INPP5D: variants seen among roughly 807,000 people sequenced by gnomAD.
INPP5D encodes the protein inositol polyphosphate-5-phosphatase D, also known as phosphatidylinositol 3,4,5-trisphosphate 5-phosphatase 1.
A neutral mutation model predicts 122.9 loss-of-function variants in INPP5D; 33 were observed. That is an observed-to-expected ratio of 0.27 (90% CI 0.20 to 0.36). The LOEUF is 0.36. Ranked by LOEUF, INPP5D falls within the 10% of genes least tolerant of loss-of-function variation. INPP5D has a pLI of 1.00. For missense variants in INPP5D, 1,053 were observed against 1,412.7 expected (o/e 0.75, Z 4.08); for synonymous variants, 584 against 576.2 (o/e 1.01, Z -0.19).
At position 233,189,082 on chromosome 2, in the gene INPP5D, C is replaced by T. The variant is rs1440254527; in HGVS notation, c.2359-768C>T. 1.3e-5 allele frequency among the ~76,000 whole-genome samples: 2 copies of T among 152,180 alleles called. No individual in the cohort carries two copies. The highest frequency in any genetic ancestry group is 2.9e-5 in the Non-Finnish European group (2 of 68,034). On this transcript the variant is annotated intron_variant, in intron 21 of 26. Coordinates refer to ENST00000445964, the MANE Select transcript of INPP5D (RefSeq NM_001017915.3). The surrounding 1 kb of genome is among the most constrained non-coding windows in gnomAD (Gnocchi z 5.6). ...TCGTGGCAGACGAGGAGCTAGTGTG[C>T]GTGTGATGCTCCTCCCTGCACTTGC...
chr2:233,084,787 A>G (rs962579460), intron 2 of INPP5D, among the ~76,000 whole-genome samples: 2 of 152,248 alleles, frequency 1.3e-5, no homozygotes, highest in Admixed American at 6.5e-5. Context: ...AGGGCATAGA[A>G]GCCTAGCACG....
intron 17 of INPP5D, among the ~76,000 whole-genome samples, chr2:233,176,071 A>G (rs554177320): frequency 6.6e-6 from 1 of 152,348 alleles, no homozygotes; most frequent in African/African-American, 2.4e-5. Flanking sequence ...CTCTTTCAGG[A>G]TGAGTTCCTT....
intron 2 of INPP5D, among the ~76,000 whole-genome samples, chr2:233,080,813 G>A (rs1262277910): frequency 6.6e-6 from 1 of 152,180 alleles, no homozygotes; most frequent in African/African-American, 2.4e-5. Flanking sequence ...TGAGCAGAAC[G>A]CCCCTCAGGA....
At chr2:233,171,560 T>C (rs929449911) in intron 17 of INPP5D, among the ~76,000 whole-genome samples, 1 of 152,238 alleles carries the variant, frequency 6.6e-6, no homozygotes, top group East Asian at 1.9e-4. Context: ...TGGTTCTCCA[T>C]GAGGAAATCT....
intron 1 of INPP5D, among the ~76,000 whole-genome samples, chr2:233,072,201 T>C (rs1691399915): frequency 6.6e-6 from 1 of 152,230 alleles, no homozygotes; most frequent in Admixed American, 6.5e-5. Context: ...GAAGAAGCAG[T>C]CTTCTTCTAG....
intron 2 of INPP5D, among the ~76,000 whole-genome samples, chr2:233,080,467 G>C (rs1429422216): frequency 6.6e-6 from 1 of 151,472 alleles, no homozygotes; most frequent in Non-Finnish European, 1.5e-5. Context: ...ACGTGACAGA[G>C]AGAGAGAGAG....
chr2:233,109,458 T>C (rs1692553418), intron 2 of INPP5D, among the ~76,000 whole-genome samples: 1 of 152,246 alleles, frequency 6.6e-6, no homozygotes, highest in South Asian at 2.1e-4. Context: ...TTGGGCATCG[T>C]AGGTGTTTCC....
intron 17 of INPP5D, among the ~76,000 whole-genome samples, chr2:233,172,911 TA>T (rs1694526667): frequency 6.6e-6 from 1 of 151,950 alleles, no homozygotes; most frequent in African/African-American, 2.4e-5. Context: ...AAATATGGTA[TA>T]AAAAGAAAAA....
chr2:233,125,339 C>T (rs1275162572), intron 3 of INPP5D, among the ~76,000 whole-genome samples: 3 of 152,200 alleles, frequency 2.0e-5, no homozygotes, highest in Non-Finnish European at 2.9e-5. Flanking sequence ...ATGGTTTTGG[C>T]CTATTCTGGG....
At chr2:233,114,049 T>C (rs1692713560) in intron 2 of INPP5D, among the ~76,000 whole-genome samples, 1 of 152,146 alleles carries the variant, frequency 6.6e-6, no homozygotes, top group Non-Finnish European at 1.5e-5. Context: ...TAGCTGGGAC[T>C]ACAGGCGCCA....
At chr2:233,198,520 A>G (rs1017797399) in intron 25 of INPP5D, 144 bp downstream of exon 25, 1 of 1,294,174 alleles carries the variant, frequency 7.7e-7, no homozygotes. Flanking sequence ...GCCTGAACAC[A>G]GCAGGCCCCT....
At chr2:233,091,940 A>G (rs1692004782) in intron 2 of INPP5D, among the ~76,000 whole-genome samples, 2 of 152,258 alleles carry the variant, frequency 1.3e-5, no homozygotes, top group South Asian at 4.1e-4. Context: ...GTGCTCAGTA[A>G]ACATTTGCTG....
intron 1 of INPP5D, among the ~76,000 whole-genome samples, chr2:233,070,632 G>A (rs1054399036): frequency 2.6e-5 from 4 of 151,832 alleles, no homozygotes; most frequent in South Asian, 2.1e-4. Context: ...TAGTAGAGAC[G>A]GGGTCTCACC....
intron 11 of INPP5D, 116 bp downstream of exon 11, chr2:233,161,942 G>C: frequency 1.4e-6 from 2 of 1,442,194 alleles, no homozygotes; most frequent in South Asian, 1.4e-5. Flanking sequence ...TCCTGCCCCA[G>C]GGCCCTGCCC....
intron 2 of INPP5D, among the ~76,000 whole-genome samples, chr2:233,121,559 A>G (rs1426198910): frequency 1.4e-5 from 2 of 144,208 alleles, no homozygotes; most frequent in Non-Finnish European, 3.1e-5. Context: ...TGAGTTGCCC[A>G]GGCTGGAGTG....
rs1328756989 is a variant in INPP5D, at chr2:233,204,438, G to A, written c.3288G>A (p.Ala1096=). Residue 1096 remains alanine, a synonymous_variant, in exon 26 of 27, where the codon GCG becomes GCA. Transcript: ENST00000445964. ...FTCSSSAEGR[A]AGGDKSQGKP... ...GCTCATCCTCTGCCGAGGGCAGGGC[G>A]GCCGGCGGGGACAAGAGCCAAGGGA... 6 of 1,602,232 alleles carry A rather than the reference G, an allele frequency of 3.7e-6. No individual in the cohort carries two copies. Among genetic ancestry groups the A allele is most frequent in the South Asian group, 2.2e-5 (2 of 89,626 alleles).
chr2:233,075,242 C>A (rs1691489021), intron 1 of INPP5D, among the ~76,000 whole-genome samples: 1 of 152,168 alleles, frequency 6.6e-6, no homozygotes, highest in Non-Finnish European at 1.5e-5. Flanking sequence ...CCAGTGCTAT[C>A]CTAACCCAGA....
chr2:233,107,713 G>C lies in INPP5D; in HGVS notation c.199-14394G>C, dbSNP rs753156296. 3.9e-5 allele frequency among the ~76,000 whole-genome samples: 6 copies of C among 152,156 alleles called. 1 individual carries two copies. The South Asian group carries it at 6.2e-4, about 16-fold the overall frequency. ...CCCAGCCCTGGACAGCAAGGGCCTG[G>C]GGGAGGGGTTACAACCTGGTGCTTG... On this transcript the variant is annotated intron_variant, in intron 2 of 26. Transcript: ENST00000445964.
chr2:233,204,885 A>G, intron 26 of INPP5D, 168 bp downstream of exon 26: 1 of 1,147,520 alleles, frequency 8.7e-7, no homozygotes, highest in Non-Finnish European at 1.2e-6. Context: ...GGTCCTGGGA[A>G]CTGCTCCATG....
Sources: gnomAD v4.1 joint callset for allele counts (sites outside exome capture counted in the v4.1 genomes callset) on GRCh38, gnomAD v4.1.1 for gene constraint, Gnocchi (gnomAD v3.1) non-coding constraint, MANE v1.5 for transcripts, NCBI Gene and HGNC (gene_info 2026-07-23, HGNC 2026-07-21) for gene names.